EDIL3: variants seen among roughly 807,000 people sequenced by gnomAD.
EDIL3 encodes the protein EGF-like repeat and discoidin I-like domain-containing protein 3.
In EDIL3, 37 loss-of-function variants were observed where a neutral mutation model predicts 67.4. The ratio of observed to expected loss-of-function variants is 0.55; its 90% confidence interval spans 0.42 to 0.72. EDIL3 has a LOEUF of 0.72. Among genes scored for constraint, EDIL3 ranks in the 30% least tolerant of loss-of-function variants. EDIL3 has a pLI of 0.00. For synonymous variants in EDIL3, 195 were observed against 196.3 expected (o/e 0.99, Z 0.05); for missense variants, 527 against 586.3 (o/e 0.90, Z 1.04).
intron 1 of EDIL3, among the ~76,000 whole-genome samples, chr5:84,331,577 A>G (rs550586497): frequency 6.6e-6 from 1 of 152,032 alleles, no homozygotes; most frequent in East Asian, 1.9e-4. Flanking sequence ...CATGACTGTA[A>G]TTTTCCTGAG....
At chr5:84,261,136 A>G (rs928821436) in intron 1 of EDIL3, among the ~76,000 whole-genome samples, 2 of 152,206 alleles carry the variant, frequency 1.3e-5, no homozygotes, top group African/African-American at 2.4e-5. Context: ...GAACCAATCT[A>G]TAGACAGAAT....
chr5:84,111,837 C>T (rs1281731161), intron 5 of EDIL3, among the ~76,000 whole-genome samples: 5 of 152,100 alleles, frequency 3.3e-5, no homozygotes, highest in African/African-American at 1.2e-4. Context: ...GAAATAAGAA[C>T]ATTTTTATAT....
intron 5 of EDIL3, among the ~76,000 whole-genome samples, chr5:84,115,359 C>T (rs1314725400): frequency 6.6e-6 from 1 of 152,080 alleles, no homozygotes; most frequent in Non-Finnish European, 1.5e-5. Context: ...GATATATTAT[C>T]AGTTTAAATT....
intron 1 of EDIL3, among the ~76,000 whole-genome samples, chr5:84,348,786 A>G (rs974420173): frequency 5.3e-5 from 8 of 152,168 alleles, no homozygotes; most frequent in African/African-American, 1.4e-4. Context: ...CATAAGTATC[A>G]TAATATTTTC....
At chr5:83,976,631 T>G (rs910179115) in intron 9 of EDIL3, among the ~76,000 whole-genome samples, 1 of 151,796 alleles carries the variant, frequency 6.6e-6, no homozygotes, top group Non-Finnish European at 1.5e-5. Context: ...TTTAATTAAT[T>G]AATACAAAAC....
intron 1 of EDIL3, among the ~76,000 whole-genome samples, chr5:84,294,245 C>A (rs1005850643): frequency 3.3e-5 from 5 of 151,734 alleles, no homozygotes; most frequent in African/African-American, 4.8e-5. Flanking sequence ...ATTAGCCAGG[C>A]ATTGTGGCGG....
intron 9 of EDIL3, among the ~76,000 whole-genome samples, chr5:84,004,584 G>T (rs560349179): frequency 6.6e-6 from 1 of 152,172 alleles, no homozygotes; most frequent in Admixed American, 6.6e-5. Flanking sequence ...GCTGCTGAAT[G>T]ACATTTGGGT....
At chr5:83,988,426 A>G (rs1745093119) in intron 9 of EDIL3, among the ~76,000 whole-genome samples, 2 of 152,190 alleles carry the variant, frequency 1.3e-5, no homozygotes, top group Non-Finnish European at 1.5e-5. Flanking sequence ...TGCTAGAGGA[A>G]AACAGTCCTC....
In EDIL3 at chr5:84,008,898, C is replaced by T. The variant is rs574555316; in HGVS notation, c.1138-45538G>A. On this transcript the variant is annotated intron_variant, in intron 9 of 10. Coordinates refer to ENST00000296591, the MANE Select transcript of EDIL3 (RefSeq NM_005711.5). ...TGGGATCTCAGCTCACTGCAACCTC[C>T]GCCTCCCAGGCTCAAGCAATTCTCC... 4.6e-5 allele frequency among the ~76,000 whole-genome samples: 7 copies of T among 152,234 alleles called. No individual in the cohort carries two copies. The East Asian group carries it at 9.7e-4, about 21-fold the overall frequency.
intron 1 of EDIL3, among the ~76,000 whole-genome samples, chr5:84,330,590 A>T (rs1746851626): frequency 6.6e-6 from 1 of 152,162 alleles, no homozygotes; most frequent in Non-Finnish European, 1.5e-5. Flanking sequence ...CTTATAAGAA[A>T]ATATAGTTAA....
At chr5:84,290,633 C>G (rs1322672091) in intron 1 of EDIL3, among the ~76,000 whole-genome samples, 2 of 152,166 alleles carry the variant, frequency 1.3e-5, no homozygotes, top group African/African-American at 4.8e-5. Context: ...TCTGTACCAA[C>G]AGATCTTATA....
At chr5:84,143,946 C>A (rs184176886) in intron 4 of EDIL3, among the ~76,000 whole-genome samples, 1 of 151,972 alleles carries the variant, frequency 6.6e-6, no homozygotes, top group African/African-American at 2.4e-5. Context: ...ATGTACTGTA[C>A]CAGTGAGTCC....
chr5:84,213,697 C>A (rs2112392019), intron 3 of EDIL3, among the ~76,000 whole-genome samples: 1 of 152,160 alleles, frequency 6.6e-6, no homozygotes, highest in East Asian at 1.9e-4. Flanking sequence ...TGAATTCTAG[C>A]AGTTGAAGAT....
At chr5:84,072,271 T>C (rs1746753332) in intron 6 of EDIL3, among the ~76,000 whole-genome samples, 1 of 152,070 alleles carries the variant, frequency 6.6e-6, no homozygotes, top group Admixed American at 6.5e-5. Flanking sequence ...TACATATTGA[T>C]AGATAAAACA....
At chr5:84,094,912 T>C (rs927962132) in intron 6 of EDIL3, among the ~76,000 whole-genome samples, 28 of 152,214 alleles carry the variant, frequency 1.8e-4, no homozygotes, top group African/African-American at 6.0e-4. Flanking sequence ...TGGATAATGC[T>C]TACTTGTGAG....
Position 84,066,540 on chromosome 5 carries a change from G to A in EDIL3, c.718C>T (p.Pro240Ser), listed in dbSNP as rs764084454. The change falls in exon 7 of 11, where the codon CCA becomes TCA. Residue 240 changes from proline (P) to serine (S), a missense_variant. By Grantham distance (74) the Pro-to-Ser change is moderately conservative. Around this residue, in one of 2 missense-constraint regions of EDIL3, gnomAD observed 494 missense variants for 522.5 expected, o/e 0.95. Transcript: ENST00000296591. Reference sequence around the variant, plus strand: ...ATTTTGTAGGATTTTATATACTCTGGGCTTCCAATCCTCTTGGCTCCTTGG... The same window carrying A: ...ATTTTGTAGGATTTTATATACTCTGAGCTTCCAATCCTCTTGGCTCCTTGG... ...ITQGAKRIGS[P>S]EYIKSYKIAY... 1 of 1,613,036 alleles carries A rather than the reference G, an allele frequency of 6.2e-7. No individual in the cohort carries two copies. The highest frequency in any genetic ancestry group is 1.1e-5 in the South Asian group (1 of 90,924).
chr5:84,115,473 A>C (rs566382713), intron 5 of EDIL3, among the ~76,000 whole-genome samples: 7 of 152,336 alleles, frequency 4.6e-5, no homozygotes, highest in African/African-American at 1.7e-4. Context: ...ATATTGATGC[A>C]GAATAATGGT....
intron 5 of EDIL3, among the ~76,000 whole-genome samples, chr5:84,132,501 T>TAA (rs1561440809): frequency 2.7e-5 from 2 of 74,702 alleles, no homozygotes; most frequent in African/African-American, 5.3e-5. Context: ...TTATATATTT[T>TAA]ATATATAATA....
intron 6 of EDIL3, among the ~76,000 whole-genome samples, chr5:84,088,746 TTTC>T (rs1747115091): frequency 6.6e-6 from 1 of 152,168 alleles, no homozygotes; most frequent in South Asian, 2.1e-4. Flanking sequence ...GCTTGATTAT[TTTC>T]TTCAAGAGCC....
Sources: gnomAD v4.1 joint callset for allele counts (sites outside exome capture counted in the v4.1 genomes callset) on GRCh38, gnomAD v4.1.1 for gene constraint, gnomAD v4.1.1 regional missense constraint, MANE v1.5 for transcripts, NCBI Gene and HGNC (gene_info 2026-07-23, HGNC 2026-07-21) for gene names.